TSEN34: variants seen among roughly 807,000 people sequenced by gnomAD.
TSEN34 encodes tRNA-splicing endonuclease subunit Sen34.
TSEN34 carries 25 observed loss-of-function variants against 30.2 expected under a neutral mutation model. The ratio of observed to expected loss-of-function variants is 0.83; its 90% CI spans 0.60 to 1.16. The LOEUF (loss-of-function observed/expected upper bound fraction) is 1.16, where lower values mean the gene tolerates loss of function less well. Among genes scored for constraint, TSEN34 ranks in the 50% most tolerant of loss-of-function variants. TSEN34 has a pLI of 0.00. For missense variants in TSEN34, 475 were observed against 411.9 expected, an observed-to-expected ratio of 1.15 and a Z score of -1.33; for synonymous variants, 209 against 177.4, an observed-to-expected ratio of 1.18 and a Z score of -1.41.
Position 54,194,209 on chromosome 19 carries a change from G to A in TSEN34, c.*847G>A, listed in dbSNP as rs937999736. 1.3e-5 allele frequency: 2 copies of A among 153,370 alleles called. No individual in the cohort carries two copies. Among genetic ancestry groups the A allele is most frequent in the South Asian group, 2.0e-4 (1 of 5,020 alleles). The allele number at this position is 153,370 out of a possible 1,614,324, so 9.5% of individuals were successfully genotyped here. The stretch of plus-strand genomic sequence containing the variant: ...TATATGTAAATATACACACATGTAT[G>A]TATATATATGTGTGTGTATATATAT... On this transcript the variant is annotated 3_prime_UTR_variant, in exon 4 of 4. Transcript: ENST00000396388.
Position 54,192,152 on chromosome 19 carries a change from T to C in TSEN34, c.524T>C (p.Val175Ala). Residue 175 changes from valine to alanine, a missense_variant, in exon 3 of 4, where the codon GTA (valine) becomes GCA (alanine). Coordinates refer to ENST00000396388, the MANE Select transcript of TSEN34 (RefSeq NM_001077446.4). ...TCCCAAGCAGGACCCTCAAATGGGG[T>C]AGCCCCCTTGCCCAGATCTGCTCTC... The part of the protein sequence containing the change: ...SSSQAGPSNG[V>A]APLPRSALLV... 6.2e-7 allele frequency: 1 copy of C among 1,614,142 alleles called. No individual in the cohort carries two copies. Among genetic ancestry groups the C allele is most frequent in the Non-Finnish European group, 8.5e-7 (1 of 1,180,004 alleles).
chr19:54,192,462 A>G, intron 3 of TSEN34, 89 bp downstream of exon 3: 6 of 1,508,846 alleles, frequency 4.0e-6, no homozygotes, highest in Non-Finnish European at 5.4e-6. Flanking sequence ...TTTTTGTCTT[A>G]ATAGAGGTGG....
At chr19:54,190,783 TA>T, upstream of TSEN34, 43 of 1,128,066 alleles carry the variant, frequency 3.8e-5, no homozygotes, top group Non-Finnish European at 4.6e-5. Context: ...CAGGGTTTTG[TA>T]CTGTGGGAGT....
upstream of TSEN34, chr19:54,190,481 G>A: frequency 2.9e-6 from 4 of 1,373,072 alleles, no homozygotes; most frequent in Non-Finnish European, 3.8e-6. Context: ...AGTGGACGGC[G>A]GGTGTCCAGG....
chr19:54,191,146 C>T (rs2076667665), upstream of TSEN34: 9 of 1,355,482 alleles, frequency 6.6e-6, no homozygotes, highest in Middle Eastern at 2.8e-4. Context: ...TTGTCTCCGG[C>T]GTCTCGTCTC....
At chr19:54,190,090 G>T (rs1438367417), upstream of TSEN34, 2 of 535,108 alleles carry the variant, frequency 3.7e-6, no homozygotes, top group Non-Finnish European at 6.6e-6. Flanking sequence ...GAGGGCCGGC[G>T]TGCGCCTACG....
chr19:54,190,727 G>C (rs995194401), upstream of TSEN34: 15 of 1,211,994 alleles, frequency 1.2e-5, no homozygotes, highest in Admixed American at 4.2e-5. Context: ...GGATTCGGTG[G>C]AGCCGAGGAC....
chr19:54,190,563 A>G (rs1035699193), upstream of TSEN34: 1 of 1,235,796 alleles, frequency 8.1e-7, no homozygotes, highest in Non-Finnish European at 1.0e-6. Flanking sequence ...TGGCGCTCGG[A>G]GGGGGCGGGG....
Position 54,193,225 on chromosome 19 carries a change from G to A in TSEN34, c.796G>A (p.Glu266Lys), listed in dbSNP as rs767534255. The part of the protein sequence containing the change: ...AHYIAQCWAP[E>K]DTIPLQDLVA... Reference sequence around the variant, plus strand: ...TTATATCGCTCAGTGCTGGGCCCCTGAGGACACCATCCCACTCCAAGACCT... The same window carrying A: ...TTATATCGCTCAGTGCTGGGCCCCTAAGGACACCATCCCACTCCAAGACCT... Residue 266 changes from glutamate (E) to lysine (K), a missense_variant, in exon 4 of 4, where the codon GAG (glutamate) becomes AAG (lysine). Coordinates refer to ENST00000396388, the MANE Select transcript of TSEN34 (RefSeq NM_001077446.4). The A allele has an allele frequency of 9.3e-6, 15 of 1,613,988 alleles. No individual in the cohort carries two copies. The highest frequency in any genetic ancestry group is 1.3e-5 in the Non-Finnish European group (15 of 1,180,006).
Position 54,193,556 on chromosome 19 carries a change from T to A in TSEN34, c.*194T>A. ...CACTTATTGGCTGTGTTTTTGTAGT[T>A]ACCTATTTTCACACTGTGAGCTTCC... On this transcript the variant is annotated 3_prime_UTR_variant, in exon 4 of 4. Transcript: ENST00000396388. 1 of 1,534,188 alleles carries A rather than the reference T, an allele frequency of 6.5e-7. No individual in the cohort carries two copies. Among genetic ancestry groups the A allele is most frequent in the Admixed American group, 2.0e-5 (1 of 50,842 alleles).
In TSEN34 at chr19:54,191,349, C is replaced by T; in HGVS notation, c.-16C>T. The T allele has an allele frequency of 1.9e-6, 3 of 1,549,350 alleles. No individual in the cohort carries two copies. The highest frequency in any genetic ancestry group is 2.6e-6 in the Non-Finnish European group (3 of 1,146,846). Reference sequence around the variant, plus strand: ...CTGTTTCGGTAACTGCTTTGCCTCCCGGCTCCCGCAGGAGGATGCTGGTGG... The same window carrying T: ...CTGTTTCGGTAACTGCTTTGCCTCCTGGCTCCCGCAGGAGGATGCTGGTGG... On this transcript the variant is annotated 5_prime_UTR_variant, in exon 1 of 4. Transcript: ENST00000396388.
upstream of TSEN34, chr19:54,190,438 G>A (rs2076623389): frequency 1.4e-6 from 2 of 1,438,928 alleles, no homozygotes; most frequent in East Asian, 2.9e-5. Context: ...CGGACTGAGC[G>A]CTCCCAATTG....
In TSEN34 at chr19:54,193,661, A is replaced by C. The variant is rs1046125936; in HGVS notation, c.*299A>C. On this transcript the variant is annotated 3_prime_UTR_variant, in exon 4 of 4. Coordinates refer to ENST00000396388, the MANE Select transcript of TSEN34 (RefSeq NM_001077446.4). The stretch of plus-strand genomic sequence containing the variant: ...GAGGTCTCAATAAACTTGGTATATA[A>C]ATGTTCATGATTTGAATGTTTGCGA... The C allele has an allele frequency of 9.6e-6, 9 of 933,530 alleles. No homozygotes were observed. Among genetic ancestry groups the C allele is most frequent in the Non-Finnish European group, 1.5e-5 (9 of 596,862 alleles). The allele number at this position is 933,530 out of a possible 1,614,324, so 57.8% of individuals were successfully genotyped here.
chr19:54,190,885 G>A (rs2076648917), upstream of TSEN34: 1 of 1,045,172 alleles, frequency 9.6e-7, no homozygotes, highest in Non-Finnish European at 1.2e-6. Context: ...TGTGGCCTCG[G>A]CGGTGCCTTA....
upstream of TSEN34, chr19:54,190,815 A>G: frequency 9.3e-7 from 1 of 1,072,534 alleles, no homozygotes; most frequent in Non-Finnish European, 1.1e-6. Context: ...GGAGGTCCGA[A>G]AGCCGAATCA....
At position 54,191,879 on chromosome 19, in the gene TSEN34, C is replaced by T; in HGVS notation, c.402C>T (p.Ser134=). The part of the protein sequence containing the change: ...KQKLEQASGA[S]SSQEAGSSQA... Reference sequence around the variant, plus strand: ...AACTAGAACAGGCTTCAGGGGCCAGCTCAAGCCAGGAGGCCGGCTCGAGCC... The same window carrying T: ...AACTAGAACAGGCTTCAGGGGCCAGTTCAAGCCAGGAGGCCGGCTCGAGCC... The change falls in exon 2 of 4, where the codon AGC becomes AGT. Residue 134 remains serine (S), a synonymous_variant. Transcript: ENST00000396388. The T allele has an allele frequency of 1.2e-6, 2 of 1,614,108 alleles. No homozygotes were observed. Among genetic ancestry groups the T allele is most frequent in the Admixed American group, 3.3e-5 (2 of 60,018 alleles).
At position 54,192,021 on chromosome 19, in the gene TSEN34, G is replaced by A. The variant is rs763978637; in HGVS notation, c.487+57G>A. ...GGGAAGGAGAGGAGAGATCTTTTAG[G>A]AATTTTAGCTGGGAATCCAGTGCCT... is the stretch of plus-strand genomic sequence containing the variant. On this transcript the variant is annotated intron_variant, in intron 2 of 3. Coordinates refer to ENST00000396388, the MANE Select transcript of TSEN34 (RefSeq NM_001077446.4). The A allele has an allele frequency of 6.2e-5, 100 of 1,613,932 alleles. 1 individual carries two copies. The South Asian group carries it at 6.9e-4, about 11-fold the overall frequency.
chr19:54,193,499 A>G lies in TSEN34; in HGVS notation c.*137A>G, dbSNP rs2076786001. The G allele has an allele frequency of 2.6e-6, 4 of 1,546,410 alleles. No individual in the cohort carries two copies. Among genetic ancestry groups the G allele is most frequent in the South Asian group, 1.2e-5 (1 of 84,332 alleles). ...TTTTGATTCCAGGTTTTCGAACACT[A>G]CATCTTTTTTATGTTCTTCCTTGTT... On this transcript the variant is annotated 3_prime_UTR_variant, in exon 4 of 4. Transcript: ENST00000396388.
chr19:54,194,227 A>G lies in TSEN34; in HGVS notation c.*865A>G, dbSNP rs187570218. On this transcript the variant is annotated 3_prime_UTR_variant, in exon 4 of 4. Coordinates refer to ENST00000396388, the MANE Select transcript of TSEN34 (RefSeq NM_001077446.4). ...CATGTATGTATATATATGTGTGTGT[A>G]TATATATATATATTATGAAAGGAAA... 436 of 149,332 alleles carry G rather than the reference A, an allele frequency of 2.9e-3. 3 individuals carry two copies. The highest frequency in any genetic ancestry group is 0.019 in the Admixed American group (276 of 14,906). The allele number at this position is 149,332 out of a possible 1,614,324, so 9.3% of individuals were successfully genotyped here.
Sources: allele counts gnomAD v4.1 joint callset, GRCh38; gene constraint gnomAD v4.1.1; transcripts MANE v1.5; gene names NCBI Gene and HGNC (gene_info 2026-07-23, HGNC 2026-07-21).